SMIM31: variants seen among roughly 807,000 people sequenced by gnomAD.
SMIM31 encodes the protein small integral membrane protein 31, also known as human epithelial cell program regulator.
chr4:164,772,800 G>C (rs1465322305), intron 2 of SMIM31, among the ~76,000 whole-genome samples: 2 of 151,116 alleles, frequency 1.3e-5, no homozygotes, highest in Non-Finnish European at 3.0e-5. Flanking sequence ...GGATGGTCTC[G>C]ATCTCCTGAC....
intron 2 of SMIM31, among the ~76,000 whole-genome samples, chr4:164,782,232 G>A (rs1269396729): frequency 6.6e-6 from 1 of 151,708 alleles, no homozygotes; most frequent in Non-Finnish European, 1.5e-5. Context: ...AGAGGTTGCA[G>A]TGAGCCGAGA....
At chr4:164,790,770 A>G (rs1733089334) in intron 2 of SMIM31, among the ~76,000 whole-genome samples, 1 of 152,150 alleles carries the variant, frequency 6.6e-6, no homozygotes, top group African/African-American at 2.4e-5. Context: ...TCACCTCTAG[A>G]TTTTCTGGTG....
chr4:164,772,809 A>C (rs1447855246), intron 2 of SMIM31, among the ~76,000 whole-genome samples: 3 of 150,934 alleles, frequency 2.0e-5, no homozygotes, highest in Non-Finnish European at 4.4e-5. Flanking sequence ...CGATCTCCTG[A>C]CCTCGTGATC....
chr4:164,763,218 A>C (rs1732675420), intron 1 of SMIM31, among the ~76,000 whole-genome samples: 1 of 152,196 alleles, frequency 6.6e-6, no homozygotes, highest in South Asian at 2.1e-4. Flanking sequence ...TTAAATGAGA[A>C]TATCAAAATA....
intron 1 of SMIM31, among the ~76,000 whole-genome samples, chr4:164,768,244 AAAAAG>A (rs1033314764): frequency 4.9e-4 from 22 of 45,200 alleles, no homozygotes; most frequent in African/African-American, 7.7e-4. Context: ...ACAAAAAAAA[AAAAAG>A]AAAAGAAAAG....
At chr4:164,772,306 A>T (rs1732814599) in intron 2 of SMIM31, among the ~76,000 whole-genome samples, 2 of 152,142 alleles carry the variant, frequency 1.3e-5, no homozygotes, top group African/African-American at 4.8e-5. Flanking sequence ...CGATAGCACC[A>T]AGGGACATGG....
chr4:164,766,863 T>C (rs10015061), intron 1 of SMIM31, among the ~76,000 whole-genome samples: 15,682 of 151,594 alleles, frequency 0.1, 1,332 homozygotes, highest in African/African-American at 0.24. Context: ...TGCTGAGAAC[T>C]TGGCTTAGAT....
intron 2 of SMIM31, among the ~76,000 whole-genome samples, chr4:164,771,799 ACT>A (rs1035323091): frequency 2.1e-4 from 32 of 152,066 alleles, no homozygotes; most frequent in African/African-American, 7.0e-4. Context: ...ACAGAGAAAG[ACT>A]CTGTCTCAAA....
rs369451854 is a variant in SMIM31, at chr4:164,783,111, C to T, written c.112+12556C>T. On this transcript the variant is annotated intron_variant, in intron 2 of 2. Transcript: ENST00000507311. ...CACACGCTTGTAGTCCCAGCTACTC[C>T]GGAACCTGAGGCAGGAGAATTGCTT... 7.3e-5 allele frequency among the ~76,000 whole-genome samples: 11 copies of T among 150,490 alleles called. No homozygotes were observed. The East Asian group carries it at 7.8e-4, about 11-fold the overall frequency.
At chr4:164,768,032 A>C (rs1167812830) in intron 1 of SMIM31, among the ~76,000 whole-genome samples, 1 of 151,792 alleles carries the variant, frequency 6.6e-6, no homozygotes, top group Non-Finnish European at 1.5e-5. Flanking sequence ...CAGGAGTTTG[A>C]GACCAGCCTG....
At chr4:164,763,150 A>G (rs570900739) in intron 1 of SMIM31, among the ~76,000 whole-genome samples, 1 of 152,316 alleles carries the variant, frequency 6.6e-6, no homozygotes, top group Admixed American at 6.5e-5. Context: ...GAGACTTGTA[A>G]ATTTGGCAAT....
chr4:164,765,231 G>C (rs948429186), intron 1 of SMIM31, among the ~76,000 whole-genome samples: 1 of 152,190 alleles, frequency 6.6e-6, no homozygotes, highest in Non-Finnish European at 1.5e-5. Flanking sequence ...GAAAATCAAA[G>C]AGACATGTAG....
chr4:164,796,934 T>A (rs1358127672), intron 2 of SMIM31, among the ~76,000 whole-genome samples: 1 of 152,234 alleles, frequency 6.6e-6, no homozygotes. Context: ...GAGCCAAACG[T>A]CTTTCACCCA....
At chr4:164,797,937 C>G (rs1396466599) in intron 2 of SMIM31, among the ~76,000 whole-genome samples, 1 of 152,126 alleles carries the variant, frequency 6.6e-6, no homozygotes, top group Non-Finnish European at 1.5e-5. Flanking sequence ...TCTGAATGTT[C>G]ATTTGTACCT....
chr4:164,761,259 T>G (rs1732645454), intron 1 of SMIM31, among the ~76,000 whole-genome samples: 2 of 152,208 alleles, frequency 1.3e-5, no homozygotes, highest in Non-Finnish European at 2.9e-5. Flanking sequence ...TATGAAGAAG[T>G]AAATCAACAA....
rs374075403 is a variant in SMIM31 at position 164,802,785 on chromosome 4, A to G, written c.*1591A>G. 6 of 152,394 alleles carry G rather than the reference A, an allele frequency of 3.9e-5. No homozygotes were observed. The highest frequency in any genetic ancestry group is 1.9e-4 in the East Asian group (1 of 5,188). 9.4% of individuals were successfully genotyped at this position (152,394 alleles called of 1,614,324 possible). A position where few individuals can be genotyped will look rare whatever the true frequency, so the allele number is the denominator to read the frequency against. On this transcript the variant is annotated 3_prime_UTR_variant, in exon 3 of 3. Transcript: ENST00000507311. ...TCTGCCATACAGAGATAGGCATACTAGTGTAAACAGAATGCTTACAAAGTT... is the reference window on the plus strand; with the variant it reads ...TCTGCCATACAGAGATAGGCATACTGGTGTAAACAGAATGCTTACAAAGTT...
chr4:164,797,433 T>C (rs375798172), intron 2 of SMIM31, among the ~76,000 whole-genome samples: 5 of 151,428 alleles, frequency 3.3e-5, no homozygotes, highest in East Asian at 1.9e-4. Context: ...TATGTATGTA[T>C]GTATTTAGAG....
intron 1 of SMIM31, among the ~76,000 whole-genome samples, chr4:164,760,989 G>T (rs984836253): frequency 2.6e-5 from 4 of 152,138 alleles, no homozygotes; most frequent in African/African-American, 9.7e-5. Context: ...TTTGTCCAGT[G>T]AAATCTCTTA....
chr4:164,763,679 T>G (rs1732680917), intron 1 of SMIM31, among the ~76,000 whole-genome samples: 2 of 152,200 alleles, frequency 1.3e-5, no homozygotes, highest in South Asian at 2.1e-4. Context: ...GCTTACAGAT[T>G]AAGCAAATTC....
Sources: allele counts gnomAD v4.1 joint callset (sites outside exome capture counted in the v4.1 genomes callset), GRCh38; gene constraint gnomAD v4.1.1; transcripts MANE v1.5; gene names NCBI Gene and HGNC (gene_info 2026-07-23, HGNC 2026-07-21).